The following EYA2 variants were observed in gnomAD, a reference collection of about 807,000 sequenced individuals.
EYA2 encodes the protein protein phosphatase EYA2.
In EYA2, 31 loss-of-function variants were observed where a neutral mutation model predicts 69.2. That is an observed-to-expected ratio of 0.45 (90% confidence interval 0.34 to 0.60). The LOEUF is 0.60. EYA2 is among the 20% of genes least tolerant of loss of function. EYA2 has a pLI of 0.02. For missense variants in EYA2, 622 were observed against 701.2 expected (o/e 0.89, Z 1.28); for synonymous variants, 257 against 279.4 (o/e 0.92, Z 0.80).
intron 1 of EYA2, among the ~76,000 whole-genome samples, chr20:46,900,046 A>G (rs1003643066): frequency 6.6e-6 from 1 of 152,248 alleles, no homozygotes; most frequent in African/African-American, 2.4e-5. Flanking sequence ...TGTCAGTAAC[A>G]TGAAAATGTG....
chr20:47,072,344 A>G, intron 6 of EYA2, 92 bp downstream of exon 6: 4 of 1,231,760 alleles, frequency 3.2e-6, no homozygotes, highest in South Asian at 2.6e-5. Flanking sequence ...GACACACACA[A>G]TCCCCATTGG....
chr20:46,958,994 C>G (rs1470064933), intron 1 of EYA2, among the ~76,000 whole-genome samples: 1 of 152,210 alleles, frequency 6.6e-6, no homozygotes, highest in African/African-American at 2.4e-5. Flanking sequence ...AATAGTGTTG[C>G]AGTGAACATA....
intron 1 of EYA2, among the ~76,000 whole-genome samples, chr20:46,963,835 A>C (rs1600586758): frequency 6.6e-6 from 1 of 152,254 alleles, no homozygotes; most frequent in Non-Finnish European, 1.5e-5. Flanking sequence ...GCAGCTGCAC[A>C]TGCGAAGTCC....
intron 2 of EYA2, among the ~76,000 whole-genome samples, chr20:46,994,618 C>A (rs1981896542): frequency 6.6e-6 from 1 of 152,036 alleles, no homozygotes; most frequent in African/African-American, 2.4e-5. Context: ...TCATCCAAAC[C>A]AGGCTGAGCT....
intron 9 of EYA2, among the ~76,000 whole-genome samples, chr20:47,107,017 G>C (rs564913133): frequency 6.6e-6 from 1 of 152,146 alleles, no homozygotes; most frequent in African/African-American, 2.4e-5. Context: ...CAACAAACCC[G>C]TGAATCAACC....
intron 1 of EYA2, among the ~76,000 whole-genome samples, chr20:46,899,386 A>T (rs1983979851): frequency 6.6e-6 from 1 of 152,054 alleles, no homozygotes. Flanking sequence ...ACAAATACAA[A>T]CCTCTGTGAG....
Position 47,035,562 on chromosome 20 carries a change from C to G in EYA2, c.415+19265C>G, listed in dbSNP as rs1436959579. 7.9e-5 allele frequency among the ~76,000 whole-genome samples: 12 copies of G among 151,808 alleles called. No individual in the cohort carries two copies. In the Admixed American group the frequency reaches 7.9e-4, roughly 10 times the overall value. ...TCTCTCCAGCGTGCACCTCTGTTCT[C>G]CTCTCTCTAATGGCAGCTTGGGACC... is the stretch of plus-strand genomic sequence containing the variant. On this transcript the variant is annotated intron_variant, in intron 5 of 15. Coordinates refer to ENST00000327619, the MANE Select transcript of EYA2 (RefSeq NM_005244.5).
intron 3 of EYA2, among the ~76,000 whole-genome samples, chr20:47,004,456 A>ATC (rs1982569139): frequency 6.8e-6 from 1 of 146,826 alleles, no homozygotes; most frequent in Non-Finnish European, 1.5e-5. Context: ...AAACCTCGAC[A>ATC]TCTCAGTGGC....
chr20:47,042,439 G>C (rs1020389963), intron 5 of EYA2, among the ~76,000 whole-genome samples: 4 of 152,156 alleles, frequency 2.6e-5, no homozygotes, highest in Non-Finnish European at 5.9e-5. Context: ...GCCCTAGATT[G>C]GTAGAAAGAG....
At chr20:47,064,896 C>G (rs1226355066) in intron 5 of EYA2, among the ~76,000 whole-genome samples, 2 of 152,152 alleles carry the variant, frequency 1.3e-5, no homozygotes, top group African/African-American at 4.8e-5. Context: ...TGTTCTCATG[C>G]TGCTAGTAAA....
chr20:46,956,534 G>C (rs921467679), intron 1 of EYA2, among the ~76,000 whole-genome samples: 7 of 152,194 alleles, frequency 4.6e-5, no homozygotes, highest in African/African-American at 1.7e-4. Context: ...AGTCCAATCA[G>C]CAGGTAGATG....
chr20:47,126,680 C>T (rs1430731161), intron 9 of EYA2, among the ~76,000 whole-genome samples: 1 of 152,142 alleles, frequency 6.6e-6, no homozygotes. Context: ...AGTTAATTTA[C>T]TAACACTAAG....
intron 5 of EYA2, among the ~76,000 whole-genome samples, chr20:47,057,518 C>CCG (rs2030691175): frequency 6.6e-6 from 1 of 150,888 alleles, no homozygotes; most frequent in African/African-American, 2.4e-5. Context: ...TCACCCCCCC[C>CCG]CCCCATCTCA....
intron 7 of EYA2, among the ~76,000 whole-genome samples, chr20:47,080,037 C>A (rs1030211478): frequency 1.2e-4 from 19 of 152,196 alleles, no homozygotes; most frequent in African/African-American, 4.6e-4. Flanking sequence ...AATACACATT[C>A]TTTTCAAGTG....
At chr20:47,113,741 C>T (rs144587951) in intron 9 of EYA2, among the ~76,000 whole-genome samples, 2 of 152,338 alleles carry the variant, frequency 1.3e-5, no homozygotes, top group East Asian at 3.9e-4. Flanking sequence ...GCCACCAGCA[C>T]ACCCCTCCTT....
At chr20:47,063,792 ACT>A in intron 5 of EYA2, among the ~76,000 whole-genome samples, 1 of 151,968 alleles carries the variant, frequency 6.6e-6, no homozygotes, top group Middle Eastern at 3.4e-3. Context: ...ACCCCGGAAA[ACT>A]CTGTAACCAG....
At chr20:47,148,291 A>G (rs1040406451) in intron 10 of EYA2, among the ~76,000 whole-genome samples, 4 of 152,078 alleles carry the variant, frequency 2.6e-5, no homozygotes, top group South Asian at 4.2e-4. Context: ...AGCCCCCACC[A>G]TCTAGGGCTG....
At chr20:46,911,622 C>A (rs978736951) in intron 1 of EYA2, among the ~76,000 whole-genome samples, 5 of 152,150 alleles carry the variant, frequency 3.3e-5, no homozygotes, top group Admixed American at 6.5e-5. Context: ...ATGGTGGATG[C>A]TACTTGCAAA....
intron 1 of EYA2, among the ~76,000 whole-genome samples, chr20:46,917,894 T>G (rs1228601199): frequency 1.3e-5 from 2 of 152,180 alleles, no homozygotes; most frequent in African/African-American, 4.8e-5. Context: ...GCTGTGGCAA[T>G]CTCTTAAAAT....
Sources: gnomAD v4.1 joint callset for allele counts (sites outside exome capture counted in the v4.1 genomes callset) on GRCh38, gnomAD v4.1.1 for gene constraint, MANE v1.5 for transcripts, NCBI Gene and HGNC (gene_info 2026-07-23, HGNC 2026-07-21) for gene names.